ARMC2: variants seen among roughly 807,000 people sequenced by gnomAD.
The protein encoded by ARMC2 is armadillo repeat-containing protein 2.
In ARMC2, 67 loss-of-function variants were observed where a neutral mutation model predicts 90.3. That is an observed-to-expected ratio of 0.74 (90% CI 0.61 to 0.91). The LOEUF is 0.91. Among genes scored for constraint, ARMC2 ranks in the 40% least tolerant of loss-of-function variants. The probability of loss-of-function intolerance (pLI) is 0.00; values close to 1 mark genes in which losing one functional copy is unlikely to be tolerated. For synonymous variants in ARMC2, 393 were observed against 393.0 expected (o/e 1.00, Z 0.00); for missense variants, 920 against 1,030.9 (o/e 0.89, Z 1.47).
At chr6:108,957,613 T>C (rs1777693572) in intron 13 of ARMC2, among the ~76,000 whole-genome samples, 1 of 152,150 alleles carries the variant, frequency 6.6e-6, no homozygotes, top group Admixed American at 6.5e-5. Flanking sequence ...GGGAAGGGCA[T>C]CCCTTAGGCT....
chr6:108,961,932 A>G, intron 14 of ARMC2, 82 bp from the exon 15 acceptor site: 1 of 1,057,858 alleles, frequency 9.5e-7, no homozygotes, highest in Non-Finnish European at 1.4e-6. Flanking sequence ...AATCATCAGT[A>G]TTAAGTATGA....
the ARMC2 span, among the ~76,000 whole-genome samples, chr6:108,984,810 G>A: frequency 6.6e-6 from 1 of 152,130 alleles, no homozygotes; most frequent in Non-Finnish European, 1.5e-5. Flanking sequence ...ATCCTCTGCT[G>A]GGGAAGAGCT....
the ARMC2 span, among the ~76,000 whole-genome samples, chr6:108,980,095 C>G: frequency 8.1e-3 from 1,225 of 152,152 alleles, 21 homozygotes; most frequent in African/African-American, 0.028. Flanking sequence ...AATTTTAAGG[C>G]TTTTTGTGCT....
intron 17 of ARMC2, among the ~76,000 whole-genome samples, chr6:108,968,279 GC>G (rs1778514107): frequency 6.6e-6 from 1 of 152,170 alleles, no homozygotes; most frequent in African/African-American, 2.4e-5. Context: ...TAAGTGGCTT[GC>G]CTGAAGTCAT....
chr6:108,915,067 C>T (rs1773811186), intron 10 of ARMC2, among the ~76,000 whole-genome samples: 1 of 152,044 alleles, frequency 6.6e-6, no homozygotes, highest in Non-Finnish European at 1.5e-5. Context: ...ATTCTCCTGC[C>T]TCAGCCTCCT....
chr6:108,922,376 G>A (rs994397100), intron 10 of ARMC2, among the ~76,000 whole-genome samples: 6 of 152,020 alleles, frequency 3.9e-5, no homozygotes, highest in Non-Finnish European at 7.4e-5. Context: ...GGGTTCAGGC[G>A]ATTCTCCTGC....
chr6:108,980,071 A>C, the ARMC2 span, among the ~76,000 whole-genome samples: 1 of 151,944 alleles, frequency 6.6e-6, no homozygotes, highest in African/African-American at 2.4e-5. Flanking sequence ...GAGAAGAGGC[A>C]TTCTTGTTTT....
chr6:109,015,911 CAT>C, the ARMC2 span, among the ~76,000 whole-genome samples: 6 of 152,308 alleles, frequency 3.9e-5, no homozygotes, highest in Non-Finnish European at 8.8e-5. Context: ...ATGAAATTCT[CAT>C]AGTGCTTCTA....
the ARMC2 span, chr6:108,990,590 G>T: frequency 6.5e-7 from 1 of 1,526,936 alleles, no homozygotes; most frequent in Non-Finnish European, 9.0e-7. Flanking sequence ...CCAAGCACTT[G>T]AATAATTTGG....
chr6:109,052,001 C>T, the ARMC2 span, among the ~76,000 whole-genome samples: 1 of 152,198 alleles, frequency 6.6e-6, no homozygotes, highest in African/African-American at 2.4e-5. Context: ...TGGAGTGACA[C>T]ATTCAAACCA....
At chr6:109,052,801 C>T in the ARMC2 span, among the ~76,000 whole-genome samples, 1 of 152,084 alleles carries the variant, frequency 6.6e-6, no homozygotes, top group African/African-American at 2.4e-5. Flanking sequence ...ACAGAATATT[C>T]CTTTAGTTCA....
chr6:109,011,326 A>G, the ARMC2 span, among the ~76,000 whole-genome samples: 5 of 152,206 alleles, frequency 3.3e-5, no homozygotes, highest in Non-Finnish European at 7.3e-5. Context: ...TCCAATTAGG[A>G]TTCCTTTTTC....
chr6:108,924,288 C>A (rs1423010967), intron 10 of ARMC2, among the ~76,000 whole-genome samples: 2 of 151,976 alleles, frequency 1.3e-5, no homozygotes, highest in African/African-American at 4.8e-5. Flanking sequence ...GAGGCCGAGG[C>A]GGGCGGATCA....
chr6:108,852,243 G>C lies in ARMC2; in HGVS notation c.-43-1982G>C, dbSNP rs144692583. Among the ~76,000 whole-genome samples the C allele has an allele frequency of 4.1e-3, 621 of 152,194 alleles. 2 individuals carry two copies. The highest frequency in any genetic ancestry group is 0.014 in the African/African-American group (582 of 41,530). ...CCCCACTTCTAATTCTTCTAAGTCA[G>C]TTCACATGTATTATTAAATATTTCC... On this transcript the variant is annotated intron_variant, in intron 1 of 17. Transcript: ENST00000392644.
chr6:108,921,479 T>A (rs1774560144), intron 10 of ARMC2, among the ~76,000 whole-genome samples: 1 of 149,980 alleles, frequency 6.7e-6, no homozygotes, highest in Non-Finnish European at 1.5e-5. Flanking sequence ...CATATGCATA[T>A]ATCTTAATAA....
chr6:108,962,002 C>T lies in ARMC2; in HGVS notation c.2039-12C>T, dbSNP rs138173201. ...AATTCACTGATTTAATTTCTCTGGT[C>T]GCCAAATCCAGTGCTCTTAAAGCTT... On this transcript the variant is annotated splice_polypyrimidine_tract_variant and intron_variant, in intron 14 of 17. Coordinates refer to ENST00000392644, the MANE Select transcript of ARMC2 (RefSeq NM_032131.6). 6.4e-6 allele frequency: 10 copies of T among 1,568,450 alleles called. No homozygotes were observed. In the Admixed American group the frequency reaches 7.6e-5, roughly 12 times the overall value.
chr6:108,908,005 T>G lies in ARMC2; in HGVS notation c.1024-2894T>G, dbSNP rs534281183. On this transcript the variant is annotated intron_variant, in intron 8 of 17. Transcript: ENST00000392644. ...AGGTTCCCATTTCCTATTTTCCTCC[T>G]GGGAACAGAAGGAATCTCCATTCTG... The G allele has an allele frequency of 2.4e-3, 2,022 of 854,114 alleles. 3 individuals carry two copies. Among genetic ancestry groups the G allele is most frequent in the Non-Finnish European group, 3.3e-3 (1,858 of 569,540 alleles). 52.9% of individuals were successfully genotyped at this position (854,114 alleles called of 1,614,324 possible).
At chr6:109,000,527 G>C in the ARMC2 span, 4 of 1,609,180 alleles carry the variant, frequency 2.5e-6, no homozygotes, top group South Asian at 2.2e-5. Flanking sequence ...AAGGTCTATG[G>C]GCTAACACTT....
chr6:108,961,546 A>G (rs1778000523), intron 13 of ARMC2, 26 bp from the exon 14 acceptor site: 1 of 1,567,626 alleles, frequency 6.4e-7, no homozygotes, highest in Admixed American at 1.9e-5. Context: ...TGGGTCTTTG[A>G]CTCCCTTATC....
Sources: gnomAD v4.1 joint callset for allele counts (sites outside exome capture counted in the v4.1 genomes callset) on GRCh38, gnomAD v4.1.1 for gene constraint, MANE v1.5 for transcripts, NCBI Gene and HGNC (gene_info 2026-07-23, HGNC 2026-07-21) for gene names.